The following PCLO variants were observed in gnomAD, a reference collection of about 807,000 sequenced individuals.
PCLO encodes protein piccolo.
A neutral mutation model predicts 427.5 loss-of-function variants in PCLO; 82 were observed. The observed-to-expected ratio is 0.19, with a 90% confidence interval of 0.16 to 0.23. PCLO has a LOEUF of 0.23. Ranked by LOEUF, PCLO falls within the 10% of genes least tolerant of loss-of-function variation. The probability of loss-of-function intolerance (pLI) is 1.00; values close to 1 mark genes in which losing one functional copy is unlikely to be tolerated. For synonymous variants in PCLO, 2,357 were observed against 2,155.4 expected (o/e 1.09, Z -2.59); for missense variants, 6,239 against 6,115.9 (o/e 1.02, Z -0.67).
chr7:83,134,218 AAT>A (rs61658777), intron 3 of PCLO, 30 bp downstream of exon 3: 24,656 of 424,300 alleles, frequency 0.058, 2 homozygotes, highest in Middle Eastern at 0.1. Flanking sequence ...CTCCATATGT[AAT>A]ATATATATAT....
chr7:82,985,819 T>C (rs1480848377), intron 3 of PCLO, among the ~76,000 whole-genome samples: 1 of 151,950 alleles, frequency 6.6e-6, no homozygotes, highest in East Asian at 1.9e-4. Context: ...AACATGTAAT[T>C]AGAAATCACT....
chr7:83,131,953 ATATATG>A (rs1227988997), intron 3 of PCLO, among the ~76,000 whole-genome samples: 1 of 152,184 alleles, frequency 6.6e-6, no homozygotes, highest in Non-Finnish European at 1.5e-5. Flanking sequence ...ATATATGTTT[ATATATG>A]TATATGTGTA....
At chr7:83,123,351 A>G (rs1323601281) in intron 3 of PCLO, among the ~76,000 whole-genome samples, 1 of 152,198 alleles carries the variant, frequency 6.6e-6, no homozygotes, top group Non-Finnish European at 1.5e-5. Context: ...TTCAACAAAG[A>G]TGCCAAGAAA....
intron 4 of PCLO, among the ~76,000 whole-genome samples, chr7:82,957,952 C>G (rs1387188828): frequency 6.6e-6 from 1 of 152,148 alleles, no homozygotes; most frequent in Non-Finnish European, 1.5e-5. Flanking sequence ...TCAGAGAGGC[C>G]TTAAATAAAC....
chr7:83,007,616 T>C (rs1051218798), intron 3 of PCLO, among the ~76,000 whole-genome samples: 3 of 151,424 alleles, frequency 2.0e-5, no homozygotes, highest in Non-Finnish European at 3.0e-5. Context: ...AGTGGAAAAA[T>C]AGGTAAGAAA....
intron 22 of PCLO, among the ~76,000 whole-genome samples, chr7:82,780,957 A>G (rs1790859837): frequency 6.6e-6 from 1 of 152,186 alleles, no homozygotes; most frequent in Non-Finnish European, 1.5e-5. Flanking sequence ...AGCTCACATA[A>G]TTTAATTCTT....
chr7:83,110,343 C>T (rs987165034), intron 3 of PCLO, among the ~76,000 whole-genome samples: 6 of 151,874 alleles, frequency 4.0e-5, no homozygotes, highest in African/African-American at 1.5e-4. Flanking sequence ...ATTTATAATA[C>T]AGCTATTAAT....
chr7:83,050,271 TAA>T (rs60841081), intron 3 of PCLO, among the ~76,000 whole-genome samples: 13,153 of 94,448 alleles, frequency 0.14, 1,061 homozygotes, highest in African/African-American at 0.2. Context: ...AAGTGCTTTT[TAA>T]AAAAAAAAAA....
At position 82,842,799 on chromosome 7, in the gene PCLO, T is replaced by TA. The variant is rs535395774; in HGVS notation, c.14047-1291dup. ...GACATACAAAGGACTAAGAGGTATA[T>TA]AAAAAATCAACATCATTAATCATCA... On this transcript the variant is annotated intron_variant, in intron 13 of 24. Transcript: ENST00000333891. 5.5e-3 allele frequency among the ~76,000 whole-genome samples: 843 copies of TA among 151,932 alleles called. 8 individuals are homozygous for TA. The highest frequency in any genetic ancestry group is 0.017 in the South Asian group (83 of 4,818).
chr7:83,092,748 G>A (rs1395148638), intron 3 of PCLO, among the ~76,000 whole-genome samples: 3 of 151,990 alleles, frequency 2.0e-5, no homozygotes, highest in Non-Finnish European at 2.9e-5. Flanking sequence ...AGGAGTTTGA[G>A]ACCAGCCTGG....
At chr7:82,763,669 T>C (rs1790475398) in intron 22 of PCLO, among the ~76,000 whole-genome samples, 1 of 152,044 alleles carries the variant, frequency 6.6e-6, no homozygotes, top group South Asian at 2.1e-4. Context: ...CTATAACATA[T>C]CTCTCCTCGC....
intron 3 of PCLO, among the ~76,000 whole-genome samples, chr7:83,057,539 T>A (rs986550986): frequency 6.7e-6 from 1 of 149,150 alleles, no homozygotes; most frequent in Admixed American, 6.8e-5. Context: ...TTTTTTGTAT[T>A]TTTAGTGGAG....
chr7:83,099,041 C>A (rs1368761978), intron 3 of PCLO, among the ~76,000 whole-genome samples: 1 of 151,646 alleles, frequency 6.6e-6, no homozygotes, highest in Admixed American at 6.6e-5. Context: ...TAGGGTTAGG[C>A]TGGCAAATTT....
chr7:83,144,329 G>A (rs1050955885), intron 2 of PCLO, among the ~76,000 whole-genome samples: 2 of 152,124 alleles, frequency 1.3e-5, no homozygotes, highest in African/African-American at 4.8e-5. Context: ...GCTGAGGCAG[G>A]AGAATTGCTT....
At chr7:83,084,734 A>G (rs1006542448) in intron 3 of PCLO, among the ~76,000 whole-genome samples, 4 of 152,184 alleles carry the variant, frequency 2.6e-5, no homozygotes, top group Non-Finnish European at 2.9e-5. Flanking sequence ...AAACAAAGAA[A>G]TTTTAAGAGA....
intron 9 of PCLO, among the ~76,000 whole-genome samples, chr7:82,881,372 A>G (rs1409806360): frequency 6.6e-6 from 1 of 152,200 alleles, no homozygotes; most frequent in Non-Finnish European, 1.5e-5. Context: ...AGCACCTTCT[A>G]AAACCCTCTG....
Position 83,162,774 on chromosome 7 carries a change from G to A in PCLO, c.-182C>T. 1.4e-6 allele frequency: 1 copy of A among 724,216 alleles called. No homozygotes were observed. Among genetic ancestry groups the A allele is most frequent in the Non-Finnish European group, 2.2e-6 (1 of 460,520 alleles). 44.9% of individuals were successfully genotyped at this position (724,216 alleles called of 1,614,324 possible). A position where few individuals can be genotyped will look rare whatever the true frequency, so the allele number is the denominator to read the frequency against. On this transcript the variant is annotated 5_prime_UTR_variant, in exon 1 of 25. Coordinates refer to ENST00000333891, the MANE Select transcript of PCLO (RefSeq NM_033026.6). Reference sequence around the variant, plus strand: ...CAGGCAGGGGTTAGTCCCGCTCGCAGGTAACGCCCGCTGCCGGTGCCTCCT... The same window carrying A: ...CAGGCAGGGGTTAGTCCCGCTCGCAAGTAACGCCCGCTGCCGGTGCCTCCT...
At chr7:83,124,564 G>T (rs1791376998) in intron 3 of PCLO, among the ~76,000 whole-genome samples, 1 of 152,060 alleles carries the variant, frequency 6.6e-6, no homozygotes, top group Non-Finnish European at 1.5e-5. Context: ...TTGTTGATGG[G>T]AATGTTAAGT....
chr7:82,845,685 G>C (rs1440921133), intron 12 of PCLO, among the ~76,000 whole-genome samples, 200 bp from the exon 13 acceptor site: 1 of 152,120 alleles, frequency 6.6e-6, no homozygotes, highest in Non-Finnish European at 1.5e-5. Flanking sequence ...GTGACATAAT[G>C]CTGAATTACA....
Sources: allele counts gnomAD v4.1 joint callset (sites outside exome capture counted in the v4.1 genomes callset), GRCh38; gene constraint gnomAD v4.1.1; transcripts MANE v1.5; gene names NCBI Gene and HGNC (gene_info 2026-07-23, HGNC 2026-07-21).